Variants in DNAH6 observed in about 807,000 individuals in gnomAD.
DNAH6 encodes dynein axonemal heavy chain 6, also known as axonemal beta dynein heavy chain 6.
DNAH6 carries 340 observed loss-of-function variants against 491.4 expected under a neutral mutation model. That is an observed-to-expected ratio of 0.69 (90% CI 0.63 to 0.76). The LOEUF (loss-of-function observed/expected upper bound fraction) is 0.76, where lower values mean the gene tolerates loss of function less well. Among genes scored for constraint, DNAH6 ranks in the 30% least tolerant of loss-of-function variants. The pLI, the probability that DNAH6 is intolerant of heterozygous loss-of-function variation, is 0.00. For synonymous variants in DNAH6, 1,603 were observed against 1,686.1 expected (o/e 0.95, Z 1.21); for missense variants, 4,443 against 4,972.2 (o/e 0.89, Z 3.20).
chr2:84,658,272 A>G lies in DNAH6; in HGVS notation c.5758-20A>G, dbSNP rs1442464899. On this transcript the variant is annotated intron_variant, in intron 35 of 76. Transcript: ENST00000389394. Reference sequence around the variant, plus strand: ...TATATTTATCAGGTCTTGCTAAACTATCATTTGTTTCATTTTCAGCTGACT... The same window carrying G: ...TATATTTATCAGGTCTTGCTAAACTGTCATTTGTTTCATTTTCAGCTGACT... 2 of 1,480,484 alleles carry G rather than the reference A, an allele frequency of 1.4e-6. No homozygotes were observed. Among genetic ancestry groups the G allele is most frequent in the African/African-American group, 1.4e-5 (1 of 70,204 alleles). 91.7% of individuals were successfully genotyped at this position (1,480,484 alleles called of 1,614,324 possible).
intron 37 of DNAH6, among the ~76,000 whole-genome samples, chr2:84,664,137 C>T (rs929617484): frequency 2.0e-5 from 3 of 152,148 alleles, no homozygotes; most frequent in Admixed American, 6.5e-5. Flanking sequence ...CCAGCCACTG[C>T]AAAAACATGC....
intron 65 of DNAH6, 30 bp from the exon 66 acceptor site, chr2:84,784,692 T>G: frequency 1.4e-6 from 2 of 1,447,450 alleles, no homozygotes; most frequent in Non-Finnish European, 1.9e-6. Flanking sequence ...ACATTTTCCT[T>G]TTTTGTTGTT....
upstream of DNAH6, among the ~76,000 whole-genome samples, chr2:84,513,037 A>G (rs1284667785): frequency 6.6e-6 from 1 of 151,422 alleles, no homozygotes; most frequent in African/African-American, 2.4e-5. Context: ...TTATTTTTCA[A>G]TTCTTTCACT....
intron 76 of DNAH6, among the ~76,000 whole-genome samples, chr2:84,818,645 G>A (rs1385405099): frequency 1.3e-5 from 2 of 151,940 alleles, no homozygotes; most frequent in Admixed American, 6.6e-5. Context: ...AACTTAACAG[G>A]ACAAACAGTC....
chr2:84,587,445 A>G (rs560743951), intron 15 of DNAH6, among the ~76,000 whole-genome samples: 291 of 152,320 alleles, frequency 1.9e-3, no homozygotes, highest in Non-Finnish European at 3.4e-3. Flanking sequence ...TTTAAATAGC[A>G]TGATGCACTT....
intron 70 of DNAH6, 79 bp from the exon 71 acceptor site, chr2:84,805,586 T>A (rs1679338485): frequency 7.5e-7 from 1 of 1,325,202 alleles, no homozygotes; most frequent in South Asian, 1.7e-5. Flanking sequence ...CCTTTACTTT[T>A]GTAAATAATT....
intron 22 of DNAH6, among the ~76,000 whole-genome samples, chr2:84,614,658 A>G (rs1445086049): frequency 6.6e-6 from 1 of 152,028 alleles, no homozygotes; most frequent in Non-Finnish European, 1.5e-5. Context: ...CCAGCAGTGG[A>G]AAAGTGTTCC....
intron 64 of DNAH6, among the ~76,000 whole-genome samples, chr2:84,771,029 C>A (rs1191854140): frequency 6.6e-6 from 1 of 152,040 alleles, no homozygotes; most frequent in Non-Finnish European, 1.5e-5. Flanking sequence ...TGGCTCACAC[C>A]TGTAATCCCA....
intron 16 of DNAH6, among the ~76,000 whole-genome samples, chr2:84,589,711 C>CA (rs1301777970): frequency 0.032 from 1,867 of 57,768 alleles, 50 homozygotes; most frequent in African/African-American, 0.086. Flanking sequence ...GACCCTGTCT[C>CA]AAAAAAAAAA....
intron 72 of DNAH6, among the ~76,000 whole-genome samples, chr2:84,809,414 G>A (rs1410583018): frequency 3.3e-5 from 5 of 152,122 alleles, no homozygotes; most frequent in Admixed American, 3.3e-4. Context: ...GCAATACCTA[G>A]GCTTGTTGGT....
intron 51 of DNAH6, among the ~76,000 whole-genome samples, chr2:84,704,915 A>G (rs560670675): frequency 1.0e-3 from 156 of 152,286 alleles, no homozygotes; most frequent in African/African-American, 3.6e-3. Context: ...CTTCCAGGAG[A>G]CAGGGTGGAG....
At chr2:84,795,467 C>T (rs1234573754) in intron 68 of DNAH6, among the ~76,000 whole-genome samples, 1 of 150,534 alleles carries the variant, frequency 6.6e-6, no homozygotes, top group African/African-American at 2.5e-5. Context: ...GGAAAATAAA[C>T]TAATTATAAA....
At chr2:84,505,770 C>A in the DNAH6 span, among the ~76,000 whole-genome samples, 380 of 152,242 alleles carry the variant, frequency 2.5e-3, no homozygotes, top group African/African-American at 8.7e-3. Context: ...CGTGTGTTCT[C>A]ATTGTTCAAT....
At chr2:84,613,472 G>A (rs544603179) in intron 22 of DNAH6, among the ~76,000 whole-genome samples, 10 of 152,212 alleles carry the variant, frequency 6.6e-5, no homozygotes, top group African/African-American at 1.7e-4. Flanking sequence ...TCAAGACTGC[G>A]GATTTGATTC....
At position 84,621,265 on chromosome 2, in the gene DNAH6, C is replaced by G; in HGVS notation, c.3867C>G (p.Phe1289Leu). 1 of 1,551,640 alleles carries G rather than the reference C, an allele frequency of 6.4e-7. No homozygotes were observed. Among genetic ancestry groups the G allele is most frequent in the African/African-American group, 1.4e-5 (1 of 73,174 alleles). Residue 1289 changes from phenylalanine to leucine, a missense_variant, in exon 25 of 77, where the codon TTC (phenylalanine) becomes TTG (leucine). Around this residue, in one of 3 missense-constraint regions of DNAH6, gnomAD observed 2,977 missense variants for 3,296.6 expected, o/e 0.90. Transcript: ENST00000389394. ...TTGGTAAAGTGGAAGAAGCCATGTTCACATCTCTGCGTCGCCTGTGCAAAG... is the reference window on the plus strand; with the variant it reads ...TTGGTAAAGTGGAAGAAGCCATGTTGACATCTCTGCGTCGCCTGTGCAAAG... ...EWLGKVEEAMFTSLRRLCKAA... is the reference protein window; with the variant it reads ...EWLGKVEEAMLTSLRRLCKAA...
At chr2:84,782,127 G>A (rs996263291) in intron 65 of DNAH6, among the ~76,000 whole-genome samples, 6 of 152,062 alleles carry the variant, frequency 3.9e-5, no homozygotes, top group Admixed American at 1.3e-4. Flanking sequence ...ACCCATGGGC[G>A]TGCTCAGCAT....
rs1262628266 is a variant in DNAH6, at chr2:84,709,548, T to C, written c.9252+2T>C. On this transcript the variant is annotated splice_donor_variant, in intron 55 of 76. Transcript: ENST00000389394. LOFTEE classifies it high-confidence loss of function. Reference sequence around the variant, plus strand: ...TTGATGATTGATCCCCAAGATCAGGTGTGTAGCAAATGCTTAAGAGAGTGG... The same window carrying C: ...TTGATGATTGATCCCCAAGATCAGGCGTGTAGCAAATGCTTAAGAGAGTGG... 6.4e-7 allele frequency: 1 copy of C among 1,551,508 alleles called. No individual in the cohort carries two copies. The highest frequency in any genetic ancestry group is 2.4e-5 in the East Asian group (1 of 40,920).
intron 29 of DNAH6, among the ~76,000 whole-genome samples, chr2:84,631,682 C>T (rs1226355964): frequency 2.0e-5 from 3 of 152,030 alleles, no homozygotes; most frequent in East Asian, 3.9e-4. Flanking sequence ...CAAGGGTTGC[C>T]GGCAACCACT....
rs940613759 is a variant in DNAH6, at chr2:84,698,800, T to C, written c.7678-794T>C. On this transcript the variant is annotated intron_variant, in intron 47 of 76. Transcript: ENST00000389394. ...CGGAACCAACTCAGGTGCCCATCAG[T>C]GGTGGATTAGATATAGAAAAAGTGG... 3.9e-5 allele frequency among the ~76,000 whole-genome samples: 6 copies of C among 152,130 alleles called. No individual in the cohort carries two copies. In the East Asian group the frequency reaches 9.6e-4, roughly 24 times the overall value.
Sources: gnomAD v4.1 joint callset for allele counts (sites outside exome capture counted in the v4.1 genomes callset) on GRCh38, gnomAD v4.1.1 for gene constraint, gnomAD v4.1.1 regional missense constraint, MANE v1.5 for transcripts, NCBI Gene and HGNC (gene_info 2026-07-23, HGNC 2026-07-21) for gene names.